Variants in PPHLN1 observed in about 807,000 individuals in gnomAD.
The protein encoded by PPHLN1 is periphilin 1.
In PPHLN1, 29 loss-of-function variants were observed where a neutral mutation model predicts 51.3. The observed-to-expected ratio is 0.57, with a 90% CI of 0.42 to 0.77. The LOEUF (loss-of-function observed/expected upper bound fraction) is 0.77, where lower values mean the gene tolerates loss of function less well. Among genes scored for constraint, PPHLN1 ranks in the 30% least tolerant of loss-of-function variants. The pLI, the probability that PPHLN1 is intolerant of heterozygous loss-of-function variation, is 0.00. For missense variants in PPHLN1, 436 were observed against 438.4 expected, an observed-to-expected ratio of 0.99 and a Z score of 0.05; for synonymous variants, 147 against 147.8, an observed-to-expected ratio of 0.99 and a Z score of 0.04.
rs139531206 is a variant in PPHLN1, at chr12:42,383,215, A to T, written c.512-1725A>T. 2.7e-4 allele frequency among the ~76,000 whole-genome samples: 41 copies of T among 152,344 alleles called. No individual in the cohort carries two copies. In the East Asian group the frequency reaches 7.1e-3, roughly 26 times the overall value. On this transcript the variant is annotated intron_variant, in intron 5 of 9. Coordinates refer to ENST00000358314, the MANE Select transcript of PPHLN1 (RefSeq NM_201439.2). ...AGTGTGTTGGTAAACTGACTCTCCA[A>T]GGTTAAAAAGATAAGATTTGTAGCA...
At chr12:42,329,202 T>G (rs1022542144) in intron 1 of PPHLN1, among the ~76,000 whole-genome samples, 1 of 151,460 alleles carries the variant, frequency 6.6e-6, no homozygotes, top group Non-Finnish European at 1.5e-5. Context: ...CCCGGGTTCA[T>G]GCCATTCTCC....
intron 8 of PPHLN1, among the ~76,000 whole-genome samples, chr12:42,396,608 G>C (rs1197656655): frequency 2.6e-5 from 2 of 77,666 alleles, no homozygotes; most frequent in Non-Finnish European, 5.0e-5. Flanking sequence ...GTAAGGTCTT[G>C]TCACTACAAA....
At chr12:42,422,442 C>T (rs764039657) in intron 9 of PPHLN1, among the ~76,000 whole-genome samples, 5 of 152,182 alleles carry the variant, frequency 3.3e-5, no homozygotes, top group Non-Finnish European at 7.3e-5. Flanking sequence ...GAAATGACAG[C>T]GTACTGTTTC....
chr12:42,383,084 A>C lies in PPHLN1; in HGVS notation c.512-1856A>C, dbSNP rs145041800. ...TACTAGTCTATTAGAAGATTGTTAA[A>C]TAGTCCAAGCCTACCTAAGACAATA... On this transcript the variant is annotated intron_variant, in intron 5 of 9. Transcript: ENST00000358314. 1.7e-3 allele frequency among the ~76,000 whole-genome samples: 256 copies of C among 152,352 alleles called. 1 individual carries two copies. Among genetic ancestry groups the C allele is most frequent in the African/African-American group, 5.8e-3 (241 of 41,580 alleles).
intron 7 of PPHLN1, among the ~76,000 whole-genome samples, chr12:42,389,064 G>A (rs868064894): frequency 3.7e-4 from 57 of 152,038 alleles, no homozygotes; most frequent in African/African-American, 1.2e-3. Context: ...CAGTGAAGCC[G>A]TGTCTCTACT....
intron 5 of PPHLN1, among the ~76,000 whole-genome samples, chr12:42,384,225 A>G (rs1004892814): frequency 1.3e-5 from 2 of 152,100 alleles, no homozygotes; most frequent in Non-Finnish European, 2.9e-5. Flanking sequence ...AAAACAATTC[A>G]GAAAAAATGT....
chr12:42,374,547 C>G (rs2138756505), intron 4 of PPHLN1: 1 of 225,788 alleles, frequency 4.4e-6, no homozygotes, highest in East Asian at 1.3e-4. Flanking sequence ...TCACGCTGTT[C>G]TCCTGCCTCA....
At chr12:42,436,781 A>G (rs2082523768) in intron 9 of PPHLN1, among the ~76,000 whole-genome samples, 1 of 152,152 alleles carries the variant, frequency 6.6e-6, no homozygotes, top group African/African-American at 2.4e-5. Flanking sequence ...GGGAGGATTT[A>G]TGTCTTGGGC....
At chr12:42,393,481 A>T in intron 7 of PPHLN1, 89 bp from the exon 8 acceptor site, 2 of 1,298,054 alleles carry the variant, frequency 1.5e-6, no homozygotes, top group Non-Finnish European at 2.1e-6. Flanking sequence ...GGCTTATATG[A>T]TTTTAAATGT....
chr12:42,400,798 TCA>T (rs67724902), intron 9 of PPHLN1, among the ~76,000 whole-genome samples: 46,838 of 142,156 alleles, frequency 0.33, 7,431 homozygotes, highest in South Asian at 0.41. Context: ...TCTCTCTCTT[TCA>T]CACACACACA....
At chr12:42,391,248 T>C (rs754293836) in intron 7 of PPHLN1, among the ~76,000 whole-genome samples, 11 of 152,166 alleles carry the variant, frequency 7.2e-5, no homozygotes, top group Non-Finnish European at 1.5e-4. Context: ...TTCATTCTTT[T>C]TGAAGGGCAG....
chr12:42,385,001 GT>G lies in PPHLN1; in HGVS notation c.568+9del. 1 of 1,601,816 alleles carries G rather than the reference GT, an allele frequency of 6.2e-7. No homozygotes were observed. The highest frequency in any genetic ancestry group is 1.1e-5 in the South Asian group (1 of 90,852). ...ATGAAGGAAATCCTGAAAGAGGTGAGTTTTGAGCTAGACTCTGATTTGGGAT... is the reference window on the plus strand; with the variant it reads ...ATGAAGGAAATCCTGAAAGAGGTGAGTTTGAGCTAGACTCTGATTTGGGAT... On this transcript the variant is annotated splice_donor_region_variant and intron_variant, in intron 6 of 9. Transcript: ENST00000358314.
chr12:42,439,260 A>G (rs1010134556), intron 9 of PPHLN1, among the ~76,000 whole-genome samples: 2 of 152,228 alleles, frequency 1.3e-5, no homozygotes, highest in Admixed American at 6.5e-5. Flanking sequence ...TTGCATGTAG[A>G]TAGATAACCA....
At chr12:42,427,921 AC>A (rs1421177676) in intron 9 of PPHLN1, among the ~76,000 whole-genome samples, 14 of 152,212 alleles carry the variant, frequency 9.2e-5, no homozygotes, top group Admixed American at 5.2e-4. Context: ...AAGAAAAAAA[AC>A]AATCACATCA....
intron 5 of PPHLN1, among the ~76,000 whole-genome samples, chr12:42,375,517 G>A (rs961724838): frequency 2.0e-5 from 3 of 151,516 alleles, no homozygotes; most frequent in Non-Finnish European, 4.4e-5. Context: ...TCACCATGTT[G>A]GTCAGGCTGG....
intron 9 of PPHLN1, among the ~76,000 whole-genome samples, chr12:42,421,528 A>G (rs1206690268): frequency 6.6e-6 from 1 of 152,032 alleles, no homozygotes; most frequent in Non-Finnish European, 1.5e-5. Flanking sequence ...TTGTATTTTT[A>G]GTAGCGATGG....
chr12:42,343,918 A>C (rs754427182), intron 2 of PPHLN1: 1 of 445,130 alleles, frequency 2.2e-6, no homozygotes, highest in Non-Finnish European at 4.5e-6. Flanking sequence ...AGTGAAATAA[A>C]TCAACAAGTG....
In PPHLN1 at chr12:42,351,799, T is replaced by C; in HGVS notation, c.73-86T>C. The C allele has an allele frequency of 5.3e-6, 6 of 1,124,376 alleles. No homozygotes were observed. In the South Asian group the frequency reaches 8.9e-5, roughly 17 times the overall value. 69.6% of individuals were successfully genotyped at this position (1,124,376 alleles called of 1,614,324 possible). Reference sequence around the variant, plus strand: ...TACATTTAGCTCATTCGATTAAGGGTAAGAACTCCTGTGCTTTTTAAAAAC... The same window carrying C: ...TACATTTAGCTCATTCGATTAAGGGCAAGAACTCCTGTGCTTTTTAAAAAC... On this transcript the variant is annotated intron_variant, in intron 2 of 9. Transcript: ENST00000358314.
chr12:42,367,984 G>T (rs557069090), intron 4 of PPHLN1, among the ~76,000 whole-genome samples: 1 of 152,212 alleles, frequency 6.6e-6, no homozygotes, highest in South Asian at 2.1e-4. Context: ...GATCCATCCC[G>T]CCTCGGCCTC....
Sources: gnomAD v4.1 joint callset for allele counts (sites outside exome capture counted in the v4.1 genomes callset) on GRCh38, gnomAD v4.1.1 for gene constraint, MANE v1.5 for transcripts, NCBI Gene and HGNC (gene_info 2026-07-23, HGNC 2026-07-21) for gene names.